The following DNAH2 variants were observed in gnomAD, a reference collection of about 807,000 sequenced individuals.
DNAH2 encodes the protein dynein axonemal heavy chain 2, also known as axonemal beta dynein heavy chain 2.
A neutral mutation model predicts 523.5 loss-of-function variants in DNAH2; 323 were observed. That is an observed-to-expected ratio of 0.62 (90% CI 0.56 to 0.68). The LOEUF is 0.68. Among genes scored for constraint, DNAH2 ranks in the 30% least tolerant of loss-of-function variants. DNAH2 has a pLI of 0.00. For synonymous variants in DNAH2, 2,093 were observed against 2,177.4 expected (o/e 0.96, Z 1.08); for missense variants, 4,907 against 5,701.5 (o/e 0.86, Z 4.49).
chr17:7,787,385 G>T, intron 42 of DNAH2: 1 of 357,030 alleles, frequency 2.8e-6, no homozygotes, highest in Non-Finnish European at 5.1e-6. Context: ...CTCCAACAAT[G>T]CGAGCAAGAG....
intron 58 of DNAH2, among the ~76,000 whole-genome samples, chr17:7,803,513 T>A (rs1342168560): frequency 6.8e-6 from 1 of 146,892 alleles, no homozygotes; most frequent in African/African-American, 2.5e-5. Context: ...TCTACAAAAA[T>A]ACAAAAATTA....
At chr17:7,814,298 C>T (rs369240754) in intron 63 of DNAH2, among the ~76,000 whole-genome samples, 2 of 142,534 alleles carry the variant, frequency 1.4e-5, no homozygotes, top group Non-Finnish European at 3.0e-5. Context: ...ATTATTATTA[C>T]TTTTAAAGAT....
At chr17:7,731,138 TAAATTA>T (rs1567608176) in intron 4 of DNAH2, among the ~76,000 whole-genome samples, 2 of 119,820 alleles carry the variant, frequency 1.7e-5, no homozygotes, top group East Asian at 3.9e-4. Context: ...ATAAATTAAT[TAAATTA>T]AATTAAATTA....
intron 39 of DNAH2, among the ~76,000 whole-genome samples, chr17:7,785,052 T>A (rs1232123838): frequency 1.3e-5 from 2 of 151,056 alleles, no homozygotes; most frequent in African/African-American, 4.9e-5. Context: ...AATTTGGCAA[T>A]ACAATTCTAA....
chr17:7,741,300 T>TTCTTTCTTTCTTC lies in DNAH2; in HGVS notation c.1689+308_1689+309insTCTTTCTTTCTTC, dbSNP rs1567625056. 5.6e-4 allele frequency among the ~76,000 whole-genome samples: 25 copies of TTCTTTCTTTCTTC among 44,892 alleles called. 1 individual carries two copies. The highest frequency in any genetic ancestry group is 1.4e-3 in the South Asian group (1 of 724). The allele number at this position is 44,892 out of a possible 152,430, so 29.5% of individuals were successfully genotyped here. On this transcript the variant is annotated intron_variant, in intron 11 of 85. Coordinates refer to ENST00000572933, the MANE Select transcript of DNAH2 (RefSeq NM_020877.5). ...TTTCTTTCTTTCTTTCTTTCTTCCT[T>TTCTTTCTTTCTTC]CCTTCCCTCCCTCCCTCCCTCCCTC...
Position 7,781,080 on chromosome 17 carries a change from G to A in DNAH2, c.6042G>A (p.Lys2014=), listed in dbSNP as rs764071091. The change falls in exon 39 of 86, where the codon AAG becomes AAA. Residue 2014 remains lysine (K), a synonymous_variant. Transcript: ENST00000572933. ...LLSMRDMNIA[K]LTSVDAPLFN... is the part of the protein sequence containing the mutation. ...CAATGAGAGATATGAACATCGCCAAGCTCACTTCAGTTGATGCACCCCTGT... is the reference window on the plus strand; with the variant it reads ...CAATGAGAGATATGAACATCGCCAAACTCACTTCAGTTGATGCACCCCTGT... The A allele has an allele frequency of 4.3e-6, 7 of 1,614,098 alleles. No homozygotes were observed. In the African/African-American group the frequency reaches 8.0e-5, roughly 18 times the overall value.
chr17:7,757,162 T>C lies in DNAH2; in HGVS notation c.1976T>C (p.Val659Ala), dbSNP rs1259258546. The change falls in exon 13 of 86, where the codon GTG becomes GCG. Residue 659 changes from valine (V) to alanine (A), a missense_variant. Physicochemically the swap from Val to Ala is moderately conservative, Grantham distance 64. Coordinates refer to ENST00000572933, the MANE Select transcript of DNAH2 (RefSeq NM_020877.5). ...CTGTTTGAGACGCCCCATTACGTGG[T>C]GAACGTAGCTGAGCGAGCCGAGGAC... ...RLLFETPHYV[V>A]NVAERAEDLR... The C allele has an allele frequency of 1.9e-6, 3 of 1,614,094 alleles. No homozygotes were observed. The highest frequency in any genetic ancestry group is 2.5e-6 in the Non-Finnish European group (3 of 1,180,036).
intron 18 of DNAH2, among the ~76,000 whole-genome samples, chr17:7,762,830 C>G (rs936414153): frequency 2.0e-5 from 3 of 151,920 alleles, no homozygotes; most frequent in Admixed American, 1.3e-4. Context: ...TCCCAACCAC[C>G]TTGTGAGGCA....
chr17:7,803,121 T>C (rs1391403435), intron 58 of DNAH2, among the ~76,000 whole-genome samples: 2 of 152,178 alleles, frequency 1.3e-5, no homozygotes, highest in African/African-American at 4.8e-5. Flanking sequence ...TGTCCTATGA[T>C]ATAACTCAAG....
At chr17:7,818,818 T>C in intron 70 of DNAH2, 42 bp downstream of exon 70, 1 of 1,612,472 alleles carries the variant, frequency 6.2e-7, no homozygotes, top group South Asian at 1.1e-5. Flanking sequence ...ACGGGTCTAC[T>C]CCCAGCCAGC....
intron 50 of DNAH2, 88 bp from the exon 51 acceptor site, chr17:7,797,086 AGT>A: frequency 1.7e-6 from 2 of 1,167,150 alleles, no homozygotes; most frequent in Non-Finnish European, 2.4e-6. Context: ...TTGGAGACAG[AGT>A]GAGACTCTGT....
At chr17:7,800,633 G>A (rs1036481301) in intron 56 of DNAH2, among the ~76,000 whole-genome samples, 6 of 150,604 alleles carry the variant, frequency 4.0e-5, no homozygotes, top group East Asian at 4.3e-4. Context: ...TTGGGAGGCC[G>A]AGGCAGGTGG....
intron 12 of DNAH2, among the ~76,000 whole-genome samples, chr17:7,753,134 A>G (rs2075735451): frequency 6.6e-6 from 1 of 152,198 alleles, no homozygotes; most frequent in Non-Finnish European, 1.5e-5. Flanking sequence ...GCATATTAAA[A>G]ACAGAAGGAG....
At chr17:7,783,655 A>G (rs1025560060) in intron 39 of DNAH2, among the ~76,000 whole-genome samples, 16 of 151,970 alleles carry the variant, frequency 1.1e-4, no homozygotes, top group African/African-American at 3.1e-4. Context: ...AAAATGAGCC[A>G]GGTGTAATGG....
At position 7,739,797 on chromosome 17, in the gene DNAH2, T is replaced by G. The variant is rs2075253997; in HGVS notation, c.1235T>G (p.Phe412Cys). ...GGCAAGCAGGGTCCCCTTCCTTGCTTCTTTGGTGCCCAGGGGCCACAGATA... is the reference window on the plus strand; with the variant it reads ...GGCAAGCAGGGTCCCCTTCCTTGCTGCTTTGGTGCCCAGGGGCCACAGATA... ...EDGKQGPLPC[F>C]FGAQGPQITR... Residue 412 changes from phenylalanine (F) to cysteine (C), a missense_variant, in exon 9 of 86, where the codon TTC becomes TGC. Around this residue, in one of 3 missense-constraint regions of DNAH2, gnomAD observed 2,806 missense variants for 3,190.8 expected, o/e 0.88. Coordinates refer to ENST00000572933, the MANE Select transcript of DNAH2 (RefSeq NM_020877.5). 6.2e-7 allele frequency: 1 copy of G among 1,613,870 alleles called. No homozygotes were observed. The highest frequency in any genetic ancestry group is 1.1e-5 in the South Asian group (1 of 91,070).
rs776829358 is a variant in DNAH2, at chr17:7,759,644, C to T, written c.2637+34C>T. On this transcript the variant is annotated intron_variant, in intron 16 of 85. Transcript: ENST00000572933. ...CACTTTGCCCCCAACATCTCAAAAC[C>T]ATTGCATCTTATTTGTCAGTTTCCC... 14 of 1,605,498 alleles carry T rather than the reference C, an allele frequency of 8.7e-6. No homozygotes were observed. The South Asian group carries it at 1.4e-4, about 17-fold the overall frequency.
In DNAH2 at chr17:7,817,716, G is replaced by A. The variant is rs769135319; in HGVS notation, c.10169+7G>A. 8.1e-6 allele frequency: 13 copies of A among 1,614,148 alleles called. 1 individual carries two copies. Among genetic ancestry groups the A allele is most frequent in the Middle Eastern group, 1.6e-4 (1 of 6,062 alleles). ...TCGTCACCCGAGGCAACAGGTGAGG[G>A]TGCTGCTGGGCGTGGGGGCGGTACG... On this transcript the variant is annotated splice_region_variant and intron_variant, in intron 66 of 85. Coordinates refer to ENST00000572933, the MANE Select transcript of DNAH2 (RefSeq NM_020877.5).
chr17:7,807,618 T>C lies in DNAH2; in HGVS notation c.9729+32T>C. The C allele has an allele frequency of 6.3e-7, 1 of 1,580,436 alleles. No individual in the cohort carries two copies. Among genetic ancestry groups the C allele is most frequent in the Non-Finnish European group, 8.6e-7 (1 of 1,156,896 alleles). On this transcript the variant is annotated intron_variant, in intron 63 of 85. Coordinates refer to ENST00000572933, the MANE Select transcript of DNAH2 (RefSeq NM_020877.5). This position sits in a 1 kb window ranked among gnomAD's most constrained non-coding sequence, Gnocchi z 5.6. The stretch of plus-strand genomic sequence containing the variant: ...TGATCGCCTGTCCTTTCCACGGAGG[T>C]CCCTCTCCCTGAGTTCTGGATTGCT...
intron 39 of DNAH2, among the ~76,000 whole-genome samples, chr17:7,785,005 A>C (rs2076696310): frequency 6.6e-6 from 1 of 152,216 alleles, no homozygotes; most frequent in African/African-American, 2.4e-5. Context: ...TGCTTTTAAC[A>C]GACAGTGACA....
Sources: allele counts gnomAD v4.1 joint callset (sites outside exome capture counted in the v4.1 genomes callset), GRCh38; gene constraint gnomAD v4.1.1; regional missense constraint gnomAD v4.1.1; non-coding constraint Gnocchi (gnomAD v3.1); transcripts MANE v1.5; gene names NCBI Gene and HGNC (gene_info 2026-07-23, HGNC 2026-07-21).